Variants in DAGLB observed in about 807,000 individuals in gnomAD.
DAGLB encodes diacylglycerol lipase-beta.
In DAGLB, 66 loss-of-function variants were observed where a neutral mutation model predicts 72.1. The ratio of observed to expected loss-of-function variants is 0.92; its 90% CI spans 0.75 to 1.12. The LOEUF is 1.12. DAGLB is among the 50% of genes most tolerant of loss of function. DAGLB has a pLI of 0.00. For synonymous variants in DAGLB, 414 were observed against 359.5 expected, an observed-to-expected ratio of 1.15 and a Z score of -1.71; for missense variants, 1,065 against 884.9, an observed-to-expected ratio of 1.20 and a Z score of -2.58.
intron 9 of DAGLB, among the ~76,000 whole-genome samples, chr7:6,419,125 G>A (rs137943291): frequency 7.6e-6 from 1 of 130,772 alleles, no homozygotes; most frequent in African/African-American, 3.0e-5. Flanking sequence ...AGGTTCAAGC[G>A]ATTCTCCTGC....
intron 3 of DAGLB, among the ~76,000 whole-genome samples, 162 bp downstream of exon 3, chr7:6,436,200 C>T (rs3828946): frequency 0.25 from 37,336 of 152,048 alleles, 5,689 homozygotes; most frequent in East Asian, 0.73. Context: ...ATTTCATGGA[C>T]AAACAGTGTC....
intron 9 of DAGLB, among the ~76,000 whole-genome samples, chr7:6,420,318 T>TC (rs1475563978): frequency 6.6e-6 from 1 of 151,774 alleles, no homozygotes; most frequent in Non-Finnish European, 1.5e-5. Flanking sequence ...CGTGCGCCTG[T>TC]AGTCCCAGTT....
intron 8 of DAGLB, chr7:6,422,097 G>C (rs372181997): frequency 2.3e-5 from 11 of 470,090 alleles, no homozygotes; most frequent in Non-Finnish European, 2.9e-5. Flanking sequence ...TAAGGACCCC[G>C]TGGCACAGAA....
intron 2 of DAGLB, among the ~76,000 whole-genome samples, chr7:6,441,603 G>A (rs1195003572): frequency 4.0e-5 from 6 of 149,438 alleles, no homozygotes; most frequent in Non-Finnish European, 7.4e-5. Flanking sequence ...ATTTTTAGAA[G>A]AGACGGGGTT....
chr7:6,418,622 G>A (rs936456922), intron 9 of DAGLB, among the ~76,000 whole-genome samples: 10 of 152,068 alleles, frequency 6.6e-5, no homozygotes, highest in African/African-American at 2.4e-4. Context: ...ACAGAAGATG[G>A]GAGATGGTTT....
intron 8 of DAGLB, among the ~76,000 whole-genome samples, chr7:6,423,309 G>A (rs1450426324): frequency 6.6e-6 from 1 of 152,174 alleles, no homozygotes; most frequent in Non-Finnish European, 1.5e-5. Context: ...ACGGAGATGG[G>A]AAGCTAGAGG....
At position 6,436,511 on chromosome 7, in the gene DAGLB, C is replaced by A; in HGVS notation, c.270G>T (p.Pro90=). 6.2e-7 allele frequency: 1 copy of A among 1,614,126 alleles called. No individual in the cohort carries two copies. Among genetic ancestry groups the A allele is most frequent in the Non-Finnish European group, 8.5e-7 (1 of 1,180,030 alleles). The change falls in exon 3 of 15, where the codon CCG becomes CCT. Residue 90 remains proline (P), a synonymous_variant. Coordinates refer to ENST00000297056, the MANE Select transcript of DAGLB (RefSeq NM_139179.4). The part of the protein sequence containing the change: ...SMRGTICNPG[P]RKSMSKLLYI... Reference sequence around the variant, plus strand: ...AAAGCAGCTTAGACATAGACTTCCGCGGTCCAGGGTTACAAATCGTTCCTG... The same window carrying A: ...AAAGCAGCTTAGACATAGACTTCCGAGGTCCAGGGTTACAAATCGTTCCTG...
intron 1 of DAGLB, among the ~76,000 whole-genome samples, chr7:6,447,346 C>G (rs956001435): frequency 6.6e-6 from 1 of 152,170 alleles, no homozygotes; most frequent in Non-Finnish European, 1.5e-5. Flanking sequence ...GTGCCCCGTA[C>G]AAAGGGAAGG....
At position 6,436,508 on chromosome 7, in the gene DAGLB, C is replaced by T. The variant is rs1354843039; in HGVS notation, c.273G>A (p.Arg91=). ...MRGTICNPGP[R]KSMSKLLYIR... ...TGTAAAGCAGCTTAGACATAGACTT[C>T]CGCGGTCCAGGGTTACAAATCGTTC... Residue 91 remains arginine, a synonymous_variant, in exon 3 of 15, where the codon CGG becomes CGA. Coordinates refer to ENST00000297056, the MANE Select transcript of DAGLB (RefSeq NM_139179.4). The T allele has an allele frequency of 2.5e-6, 4 of 1,614,176 alleles. No individual in the cohort carries two copies. The highest frequency in any genetic ancestry group is 2.5e-6 in the Non-Finnish European group (3 of 1,180,036).
intron 4 of DAGLB, 128 bp downstream of exon 4, chr7:6,434,634 G>A (rs544519122): frequency 8.0e-5 from 118 of 1,472,144 alleles, no homozygotes; most frequent in East Asian, 3.2e-4. Context: ...GAGGGTCTCC[G>A]GCCACCCCCC....
intron 14 of DAGLB, 26 bp downstream of exon 14, chr7:6,410,104 C>T (rs1457187399): frequency 1.9e-6 from 3 of 1,576,820 alleles, no homozygotes; most frequent in South Asian, 1.2e-5. Flanking sequence ...CCTGCCTGCC[C>T]ACCACACCCA....
chr7:6,439,985 G>C (rs1281635218), intron 2 of DAGLB, among the ~76,000 whole-genome samples: 2 of 149,370 alleles, frequency 1.3e-5, no homozygotes, highest in African/African-American at 2.5e-5. Context: ...CCAAGAGGTA[G>C]AGGATGCAGT....
intron 3 of DAGLB, among the ~76,000 whole-genome samples, chr7:6,435,793 C>T (rs1009107447): frequency 1.3e-5 from 2 of 152,200 alleles, no homozygotes; most frequent in African/African-American, 2.4e-5. Context: ...ATGCCCCTCC[C>T]GAAGGGGCTC....
chr7:6,444,289 G>GT (rs987375615), intron 2 of DAGLB, among the ~76,000 whole-genome samples: 1 of 151,970 alleles, frequency 6.6e-6, no homozygotes, highest in Non-Finnish European at 1.5e-5. Context: ...CAACAAAATA[G>GT]TTGTAACCCT....
rs773180405 is a variant in DAGLB at position 6,413,034 on chromosome 7, G to A, written c.1428C>T (p.Ser476=). The change falls in exon 12 of 15, where the codon AGC becomes AGT. Residue 476 remains serine (S), a splice_region_variant and synonymous_variant. Transcript: ENST00000297056. ...TCTGAGAATATTCCTGCAGAGCTTT[G>A]CTGAAATTCCAAACAGAGAGAGGAT... ...YAFSPPRGLW[S]KALQEYSQSF... is the part of the protein sequence containing the mutation. 6 of 1,612,338 alleles carry A rather than the reference G, an allele frequency of 3.7e-6. 1 individual carries two copies. The South Asian group carries it at 5.5e-5, about 15-fold the overall frequency.
intron 4 of DAGLB, among the ~76,000 whole-genome samples, chr7:6,433,754 C>A (rs1268153454): frequency 6.6e-6 from 1 of 151,606 alleles, no homozygotes; most frequent in Non-Finnish European, 1.5e-5. Flanking sequence ...CTACTCAGTA[C>A]GCTGAGGCAG....
chr7:6,425,671 G>A (rs971725898), intron 7 of DAGLB, among the ~76,000 whole-genome samples: 4 of 152,118 alleles, frequency 2.6e-5, no homozygotes, highest in Non-Finnish European at 4.4e-5. Flanking sequence ...CCAGGACGAC[G>A]ATACGAATCC....
At chr7:6,446,221 C>T in intron 1 of DAGLB, 117 bp from the exon 2 acceptor site, 1 of 1,059,728 alleles carries the variant, frequency 9.4e-7, no homozygotes, top group Non-Finnish European at 1.3e-6. Flanking sequence ...GTAATCACAG[C>T]ACTTTGGGAG....
In DAGLB at chr7:6,434,892, T is replaced by C; in HGVS notation, c.548A>G (p.Asn183Ser). 6.2e-7 allele frequency: 1 copy of C among 1,614,182 alleles called. No homozygotes were observed. The highest frequency in any genetic ancestry group is 8.5e-7 in the Non-Finnish European group (1 of 1,180,028). Reference protein sequence around the residue: ...LDSHDSSQLLNGLKTAATSVW... With the variant: ...LDSHDSSQLLSGLKTAATSVW... ...GCTTGTAGCTGCTGTCTTGAGGCCATTAAGTAACTGGCTTGAATCATGACT... is the reference window on the plus strand; with the variant it reads ...GCTTGTAGCTGCTGTCTTGAGGCCACTAAGTAACTGGCTTGAATCATGACT... The change falls in exon 4 of 15, where the codon AAT becomes AGT. Residue 183 changes from asparagine (N) to serine (S), a missense_variant. Asn to Ser is a conservative substitution (Grantham distance 46, BLOSUM62 1). Transcript: ENST00000297056.
Sources: gnomAD v4.1 joint callset for allele counts (sites outside exome capture counted in the v4.1 genomes callset) on GRCh38, gnomAD v4.1.1 for gene constraint, MANE v1.5 for transcripts, NCBI Gene and HGNC (gene_info 2026-07-23, HGNC 2026-07-21) for gene names.